Variants in BCAS3 observed in about 807,000 individuals in gnomAD.
BCAS3 encodes BCAS3 microtubule associated cell migration factor.
BCAS3 carries 53 observed loss-of-function variants against 116.1 expected under a neutral mutation model. The ratio of observed to expected loss-of-function variants is 0.46; its 90% CI spans 0.37 to 0.57. BCAS3 has a LOEUF of 0.57. Among genes scored for constraint, BCAS3 ranks in the 20% least tolerant of loss-of-function variants. The pLI is 0.00. For synonymous variants in BCAS3, 391 were observed against 408.2 expected (o/e 0.96, Z 0.51); for missense variants, 917 against 1,165.4 (o/e 0.79, Z 3.10).
chr17:60,854,446 T>G (rs1247115244), intron 7 of BCAS3, among the ~76,000 whole-genome samples: 1 of 152,212 alleles, frequency 6.6e-6, no homozygotes, highest in Non-Finnish European at 1.5e-5. Context: ...ATGGTATTTC[T>G]AGTTCTAGAT....
Position 61,376,806 on chromosome 17 carries a change from T to C in BCAS3, c.2593+8312T>C, listed in dbSNP as rs2059361114. Among the ~76,000 whole-genome samples the C allele has an allele frequency of 1.3e-5, 2 of 152,144 alleles. No homozygotes were observed. On this transcript the variant is annotated intron_variant, in intron 23 of 23. Coordinates refer to ENST00000407086, the MANE Select transcript of BCAS3 (RefSeq NM_017679.5). The surrounding 1 kb of genome is among the most constrained non-coding windows in gnomAD (Gnocchi z 4.5). Reference sequence around the variant, plus strand: ...AGAACCTAGGGCTTTTCCTCTGCCTTATCTAATTGGGCCCTGGAGTTTTCC... The same window carrying C: ...AGAACCTAGGGCTTTTCCTCTGCCTCATCTAATTGGGCCCTGGAGTTTTCC...
rs1244531599 is a variant in BCAS3 at position 61,285,001 on chromosome 17, CTG to C, written c.2426-83324_2426-83323del. Among the ~76,000 whole-genome samples, 1 of 152,210 alleles carries C rather than the reference CTG, an allele frequency of 6.6e-6. No homozygotes were observed. The highest frequency in any genetic ancestry group is 2.4e-5 in the African/African-American group (1 of 41,442). ...CAAGGTTCTCTCCTGGTTCTCCTGT[CTG>C]TAGGCTTCTGAAAGCTTTGCTGCCC... On this transcript the variant is annotated intron_variant, in intron 22 of 23. Transcript: ENST00000407086. The surrounding 1 kb of genome is among the most constrained non-coding windows in gnomAD (Gnocchi z 5.4).
At chr17:60,804,682 C>T (rs2048113151) in intron 6 of BCAS3, among the ~76,000 whole-genome samples, 1 of 151,810 alleles carries the variant, frequency 6.6e-6, no homozygotes, top group African/African-American at 2.4e-5. Context: ...ATAAACAATA[C>T]TGTTGTGAAT....
intron 22 of BCAS3, among the ~76,000 whole-genome samples, chr17:61,293,492 G>C (rs889883726): frequency 6.6e-6 from 1 of 152,116 alleles, no homozygotes; most frequent in Non-Finnish European, 1.5e-5. Flanking sequence ...AACCTTCTTG[G>C]CTCGTTTTTA....
At position 60,956,410 on chromosome 17, in the gene BCAS3, C is replaced by T. The variant is rs898955783; in HGVS notation, c.1221+9058C>T. On this transcript the variant is annotated intron_variant, in intron 14 of 23. Transcript: ENST00000407086. The surrounding 1 kb of genome is among the most constrained non-coding windows in gnomAD (Gnocchi z 4.2). ...CTGTGCTGCTGGGCACATTTTATTT[C>T]TTACCTCTTTTTCAAATCCCATCCC... Among the ~76,000 whole-genome samples, 2 of 152,314 alleles carry T rather than the reference C, an allele frequency of 1.3e-5. No homozygotes were observed. The highest frequency in any genetic ancestry group is 2.1e-4 in the South Asian group (1 of 4,828).
At chr17:61,166,353 A>G (rs960420984) in intron 22 of BCAS3, among the ~76,000 whole-genome samples, 2 of 142,300 alleles carry the variant, frequency 1.4e-5, no homozygotes, top group African/African-American at 5.2e-5. Context: ...TTCTTTTTCT[A>G]AACGTTTTAT....
intron 14 of BCAS3, among the ~76,000 whole-genome samples, chr17:60,963,680 C>G (rs901293575): frequency 6.6e-6 from 1 of 151,778 alleles, no homozygotes; most frequent in Non-Finnish European, 1.5e-5. Flanking sequence ...CTCAGCCTCC[C>G]GAGTAGCTGG....
chr17:61,254,109 A>G (rs1429226855), intron 22 of BCAS3, among the ~76,000 whole-genome samples: 1 of 152,210 alleles, frequency 6.6e-6, no homozygotes, highest in East Asian at 1.9e-4. Context: ...GCCCGAGGAA[A>G]AAACTCAAGA....
At chr17:60,932,767 A>AG (rs2059725051) in intron 13 of BCAS3, among the ~76,000 whole-genome samples, 2 of 148,802 alleles carry the variant, frequency 1.3e-5, no homozygotes, top group African/African-American at 2.5e-5. Context: ...AAAAAAAAAA[A>AG]GAATCGTCTC....
At chr17:61,147,643 C>T (rs757953840) in intron 22 of BCAS3, among the ~76,000 whole-genome samples, 3 of 152,148 alleles carry the variant, frequency 2.0e-5, no homozygotes, top group Non-Finnish European at 4.4e-5. Context: ...CCTGAATTAG[C>T]GGTGTTTTTA....
chr17:60,920,438 A>C (rs1220290771), intron 12 of BCAS3, among the ~76,000 whole-genome samples: 1 of 152,222 alleles, frequency 6.6e-6, no homozygotes, highest in East Asian at 1.9e-4. Context: ...AAGGACACAC[A>C]TACACTTCTT....
At chr17:60,758,233 T>C (rs556615290) in intron 6 of BCAS3, among the ~76,000 whole-genome samples, 27 of 152,330 alleles carry the variant, frequency 1.8e-4, no homozygotes, top group South Asian at 4.1e-4. Flanking sequence ...CTATTTGGGC[T>C]CTTTTTTGAT....
chr17:60,898,604 T>C (rs1275460822), intron 10 of BCAS3, among the ~76,000 whole-genome samples: 1 of 152,124 alleles, frequency 6.6e-6, no homozygotes, highest in African/African-American at 2.4e-5. Flanking sequence ...TTGGGCTGAG[T>C]GTGCCTATCC....
chr17:60,850,352 T>G (rs1319593301), intron 7 of BCAS3, among the ~76,000 whole-genome samples: 2 of 136,210 alleles, frequency 1.5e-5, no homozygotes, highest in East Asian at 2.1e-4. Context: ...ACTGTTTTTT[T>G]TTTTTTTTTT....
intron 7 of BCAS3, among the ~76,000 whole-genome samples, chr17:60,864,266 G>A (rs557095248): frequency 2.8e-4 from 42 of 152,300 alleles, no homozygotes; most frequent in African/African-American, 9.4e-4. Flanking sequence ...CACTTAGCAT[G>A]GAAATTGGAT....
chr17:60,704,906 C>T (rs574301148), intron 4 of BCAS3, among the ~76,000 whole-genome samples: 92 of 152,026 alleles, frequency 6.1e-4, no homozygotes, highest in Non-Finnish European at 5.1e-4. Context: ...TGAATTCAAC[C>T]CCAAAAGTAT....
chr17:60,700,430 A>G (rs1055550150), intron 4 of BCAS3, among the ~76,000 whole-genome samples: 7 of 152,140 alleles, frequency 4.6e-5, no homozygotes, highest in African/African-American at 1.7e-4. Context: ...CCTGGAGGAA[A>G]ATCAGGCTTG....
intron 22 of BCAS3, among the ~76,000 whole-genome samples, chr17:61,157,289 A>T (rs893649356): frequency 6.6e-6 from 1 of 152,152 alleles, no homozygotes; most frequent in African/African-American, 2.4e-5. Flanking sequence ...CAGGTATAAA[A>T]ATGTCTTTTA....
intron 12 of BCAS3, among the ~76,000 whole-genome samples, chr17:60,918,245 C>T (rs2058875754): frequency 6.6e-6 from 1 of 152,060 alleles, no homozygotes; most frequent in African/African-American, 2.4e-5. Flanking sequence ...TTGCATTTAC[C>T]TAAGGAATAG....
Sources: gnomAD v4.1 joint callset for allele counts (sites outside exome capture counted in the v4.1 genomes callset) on GRCh38, gnomAD v4.1.1 for gene constraint, Gnocchi (gnomAD v3.1) non-coding constraint, MANE v1.5 for transcripts, NCBI Gene and HGNC (gene_info 2026-07-23, HGNC 2026-07-21) for gene names.